Variants in NRBP2 observed in about 807,000 individuals in gnomAD.
NRBP2 encodes the protein nuclear receptor binding protein 2.
NRBP2 carries 47 observed loss-of-function variants against 74.4 expected under a neutral mutation model. That is an observed-to-expected ratio of 0.63 (90% CI 0.50 to 0.81). NRBP2 has a LOEUF of 0.81. NRBP2 is among the 30% of genes least tolerant of loss of function. The pLI is 0.00. For missense variants in NRBP2, 613 were observed against 690.1 expected (o/e 0.89, Z 1.25); for synonymous variants, 312 against 273.8 (o/e 1.14, Z -1.38).
At chr8:143,833,566 CAGTT>C (rs1279012618), downstream of NRBP2, 5 of 151,998 alleles carry the variant, frequency 3.3e-5, no homozygotes, top group African/African-American at 9.7e-5. Context: ...CCTGAAGAAA[CAGTT>C]AAGAGAGTTG....
In NRBP2 at chr8:143,837,252, A is replaced by G; in HGVS notation, c.1124T>C (p.Val375Ala). Residue 375 changes from valine to alanine, a missense_variant, in exon 13 of 18, where the codon GTC (valine) becomes GCC (alanine). Transcript: ENST00000442628. This position sits in a 1 kb window ranked among gnomAD's most constrained non-coding sequence, Gnocchi z 4.3. ...CCAACCTTACATCAGTTCTCACCTG[A>G]CATCCTCCAGGAATTTGTCCAGCTC... is the stretch of plus-strand genomic sequence containing the variant. Reference protein sequence around the residue: ...FMELDKFLEDVRNGIYPLMNF... With the variant: ...FMELDKFLEDARNGIYPLMNF... 6.2e-7 allele frequency: 1 copy of G among 1,613,810 alleles called. No homozygotes were observed. The highest frequency in any genetic ancestry group is 1.3e-5 in the African/African-American group (1 of 74,970).
rs1480716143 is a variant in NRBP2, at chr8:143,837,993, A to C, written c.841-238T>G. On this transcript the variant is annotated intron_variant, in intron 10 of 17. Transcript: ENST00000442628. The surrounding 1 kb of genome is among the most constrained non-coding windows in gnomAD (Gnocchi z 4.3). ...CCATGCTCTGCTTCCCTCGACCCCCAAAAAATCGTGGGGAGAAGCCATGAT... is the reference window on the plus strand; with the variant it reads ...CCATGCTCTGCTTCCCTCGACCCCCCAAAAATCGTGGGGAGAAGCCATGAT... The C allele has an allele frequency of 4.3e-6, 3 of 699,772 alleles. No individual in the cohort carries two copies. In the African/African-American group the frequency reaches 5.3e-5, roughly 12 times the overall value. The allele number at this position is 699,772 out of a possible 1,614,324, so 43.3% of individuals were successfully genotyped here.
chr8:143,840,548 CAAAGGG>C lies in NRBP2; in HGVS notation c.129+152_129+157del. 1.3e-6 allele frequency: 1 copy of C among 785,864 alleles called. No individual in the cohort carries two copies. The highest frequency in any genetic ancestry group is 1.9e-6 in the Non-Finnish European group (1 of 517,618). 48.7% of individuals were successfully genotyped at this position (785,864 alleles called of 1,614,324 possible). On this transcript the variant is annotated intron_variant, in intron 1 of 17. Coordinates refer to ENST00000442628, the MANE Select transcript of NRBP2 (RefSeq NM_178564.4). The surrounding 1 kb of genome is among the most constrained non-coding windows in gnomAD (Gnocchi z 5.7). ...GGGAGTCCCAGGGCGAGCGCCAGGCCAAAGGGGTCCAGGGGTGGCTGATTCGCGGGC... is the reference window on the plus strand; with the variant it reads ...GGGAGTCCCAGGGCGAGCGCCAGGCCGTCCAGGGGTGGCTGATTCGCGGGC...
chr8:143,838,614 G>A, intron 10 of NRBP2, 66 bp downstream of exon 10: 5 of 1,191,314 alleles, frequency 4.2e-6, no homozygotes, highest in Non-Finnish European at 6.0e-6. Flanking sequence ...GGTCTGCCTG[G>A]AGCACCTTGC....
chr8:143,829,881 C>G (rs1489030636), downstream of NRBP2: 1 of 152,320 alleles, frequency 6.6e-6, no homozygotes, highest in Non-Finnish European at 1.5e-5. Context: ...ACATCAGTCG[C>G]TAGACCCGCA....
In NRBP2 at chr8:143,839,230, G is replaced by A. The variant is rs1554652884; in HGVS notation, c.581-35C>T. On this transcript the variant is annotated intron_variant, in intron 6 of 17. Coordinates refer to ENST00000442628, the MANE Select transcript of NRBP2 (RefSeq NM_178564.4). The surrounding 1 kb of genome is among the most constrained non-coding windows in gnomAD (Gnocchi z 5.1). Reference sequence around the variant, plus strand: ...GGCGGGAGAAAGAGTGGAGTTAGCTGCTGGGGCATCAGAACTCCTCTGCCC... The same window carrying A: ...GGCGGGAGAAAGAGTGGAGTTAGCTACTGGGGCATCAGAACTCCTCTGCCC... The A allele has an allele frequency of 6.5e-7, 1 of 1,532,306 alleles. No homozygotes were observed. The highest frequency in any genetic ancestry group is 1.2e-5 in the South Asian group (1 of 83,948). The allele number at this position is 1,532,306 out of a possible 1,614,324, so 94.9% of individuals were successfully genotyped here. A position where few individuals can be genotyped will look rare whatever the true frequency, so the allele number is the denominator to read the frequency against.
chr8:143,831,442 C>T (rs1298976365), downstream of NRBP2, among the ~76,000 whole-genome samples: 1 of 152,130 alleles, frequency 6.6e-6, no homozygotes, highest in Non-Finnish European at 1.5e-5. Flanking sequence ...ATAGTGAGGC[C>T]ACGTCTCTAC....
In NRBP2 at chr8:143,838,869, G is replaced by A. The variant is rs782505882; in HGVS notation, c.744+14C>T. Reference sequence around the variant, plus strand: ...GAGGAGGGCAGAGCACAAGGTGGAGGGCGGGGGCAGTACCTCCAGCGCACA... The same window carrying A: ...GAGGAGGGCAGAGCACAAGGTGGAGAGCGGGGGCAGTACCTCCAGCGCACA... On this transcript the variant is annotated intron_variant, in intron 9 of 17. Coordinates refer to ENST00000442628, the MANE Select transcript of NRBP2 (RefSeq NM_178564.4). 3 of 1,613,338 alleles carry A rather than the reference G, an allele frequency of 1.9e-6. No individual in the cohort carries two copies. The highest frequency in any genetic ancestry group is 2.2e-5 in the East Asian group (1 of 44,872).
Position 143,839,948 on chromosome 8 carries a change from G to T in NRBP2, c.335C>A (p.Thr112Asn). ...GCTCACCCTCGCGCAGGCCTCAGAG[G>T]TATCCAGCCAGTACTTGTGCAACTT... The part of the protein sequence containing the change: ...IVKLHKYWLD[T>N]SEACARVIFI... The change falls in exon 3 of 18, where the codon ACC becomes AAC. Residue 112 changes from threonine (T) to asparagine (N), a missense_variant. This residue lies in a region of NRBP2 where 332 missense variants were observed against 429.2 expected (regional missense o/e 0.77). Coordinates refer to ENST00000442628, the MANE Select transcript of NRBP2 (RefSeq NM_178564.4). This position sits in a 1 kb window ranked among gnomAD's most constrained non-coding sequence, Gnocchi z 5.1. The T allele has an allele frequency of 2.6e-6, 4 of 1,536,166 alleles. No individual in the cohort carries two copies. The highest frequency in any genetic ancestry group is 1.4e-5 in the African/African-American group (1 of 73,182).
chr8:143,836,911 C>G (rs1818426368), intron 14 of NRBP2, 128 bp downstream of exon 14: 1 of 1,084,820 alleles, frequency 9.2e-7, no homozygotes. Context: ...CAGCCTGGAT[C>G]TGGTCTCTGG....
In NRBP2 at chr8:143,838,901, A is replaced by G; in HGVS notation, c.726T>C (p.Phe242=). Residue 242 remains phenylalanine (F), a synonymous_variant, in exon 9 of 18, where the codon TTT becomes TTC. Coordinates refer to ENST00000442628, the MANE Select transcript of NRBP2 (RefSeq NM_178564.4). The stretch of plus-strand genomic sequence containing the variant: ...GCAGTACCTCCAGCGCACACATCCC[A>G]AAGGAGAAGATGTCCACAGCGGTCC... The part of the protein sequence containing the change: ...ADGTAVDIFS[F]GMCALEMAVL... 1 of 1,612,862 alleles carries G rather than the reference A, an allele frequency of 6.2e-7. No homozygotes were observed. The highest frequency in any genetic ancestry group is 8.5e-7 in the Non-Finnish European group (1 of 1,179,528).
chr8:143,839,044 G>A lies in NRBP2; in HGVS notation c.661C>T (p.Leu221=), dbSNP rs1368493487. The change falls in exon 8 of 18, where the codon CTG becomes TTG. Residue 221 remains leucine, a synonymous_variant. Transcript: ENST00000442628. This position sits in a 1 kb window ranked among gnomAD's most constrained non-coding sequence, Gnocchi z 5.1. ...IRAEREELRN[L]HFFPPEYGEV... is the part of the protein sequence containing the mutation. The stretch of plus-strand genomic sequence containing the variant: ...CCATACTCTGGGGGGAAGAAGTGCA[G>A]GTTCCGAAGTTCCTCTCGCTCAGCG... 2 of 1,540,750 alleles carry A rather than the reference G, an allele frequency of 1.3e-6. No homozygotes were observed. Among genetic ancestry groups the A allele is most frequent in the Non-Finnish European group, 1.7e-6 (2 of 1,145,518 alleles).
chr8:143,830,412 G>T (rs1427372150), downstream of NRBP2, among the ~76,000 whole-genome samples: 1 of 152,250 alleles, frequency 6.6e-6, no homozygotes, highest in Non-Finnish European at 1.5e-5. Context: ...GTGAGCTCCA[G>T]GAGAGGAGCT....
Position 143,840,700 on chromosome 8 carries a change from GC to G in NRBP2, c.129+5del, listed in dbSNP as rs782312098. The G allele has an allele frequency of 4.1e-5, 61 of 1,480,358 alleles. No individual in the cohort carries two copies. Among genetic ancestry groups the G allele is most frequent in the Non-Finnish European group, 5.4e-5 (60 of 1,117,880 alleles). The allele number at this position is 1,480,358 out of a possible 1,614,324, so 91.7% of individuals were successfully genotyped here. A position where few individuals can be genotyped will look rare whatever the true frequency, so the allele number is the denominator to read the frequency against. Reference sequence around the variant, plus strand: ...TGTCACCCCGTGCCCCAACCCCCGCGCCCACCTGCTCCCGTCGCTTTTGCCA... The same window carrying G: ...TGTCACCCCGTGCCCCAACCCCCGCGCCACCTGCTCCCGTCGCTTTTGCCA... On this transcript the variant is annotated splice_donor_5th_base_variant and intron_variant, in intron 1 of 17. Coordinates refer to ENST00000442628, the MANE Select transcript of NRBP2 (RefSeq NM_178564.4). This position sits in a 1 kb window ranked among gnomAD's most constrained non-coding sequence, Gnocchi z 5.7.
In NRBP2 at chr8:143,839,439, G is replaced by A. The variant is rs1295953918; in HGVS notation, c.486-31C>T. On this transcript the variant is annotated intron_variant, in intron 5 of 17. Coordinates refer to ENST00000442628, the MANE Select transcript of NRBP2 (RefSeq NM_178564.4). This position sits in a 1 kb window ranked among gnomAD's most constrained non-coding sequence, Gnocchi z 5.1. Reference sequence around the variant, plus strand: ...GACGTTGGGGAGGGGAGAGTAGGAGGAGCCGGTCAGGAGGCTCTGGAGAGA... The same window carrying A: ...GACGTTGGGGAGGGGAGAGTAGGAGAAGCCGGTCAGGAGGCTCTGGAGAGA... 3 of 1,539,780 alleles carry A rather than the reference G, an allele frequency of 1.9e-6. No individual in the cohort carries two copies. Among genetic ancestry groups the A allele is most frequent in the Non-Finnish European group, 2.6e-6 (3 of 1,149,204 alleles).
downstream of NRBP2, chr8:143,829,776 G>A (rs1818068872): frequency 1.3e-5 from 2 of 154,334 alleles, no homozygotes; most frequent in South Asian, 4.1e-4. Context: ...CGTGAGATGC[G>A]TCGTCCCCGC....
chr8:143,831,485 G>A (rs1285969763), downstream of NRBP2, among the ~76,000 whole-genome samples: 2 of 152,178 alleles, frequency 1.3e-5, no homozygotes, highest in African/African-American at 4.8e-5. Flanking sequence ...GCTGGGCATG[G>A]TGGCACACGC....
chr8:143,840,847 C>G lies in NRBP2; in HGVS notation c.-13G>C. ...CCGGGGCCGCCATGGTTCGGCCAGC[C>G]CAGGCCACCGCCCTCTGCGCGATCC... On this transcript the variant is annotated 5_prime_UTR_variant, in exon 1 of 18. Coordinates refer to ENST00000442628, the MANE Select transcript of NRBP2 (RefSeq NM_178564.4). The surrounding 1 kb of genome is among the most constrained non-coding windows in gnomAD (Gnocchi z 5.7). 2 of 1,437,532 alleles carry G rather than the reference C, an allele frequency of 1.4e-6. No individual in the cohort carries two copies. The highest frequency in any genetic ancestry group is 1.8e-6 in the Non-Finnish European group (2 of 1,099,562). 89.0% of individuals were successfully genotyped at this position (1,437,532 alleles called of 1,614,324 possible).
At position 143,835,589 on chromosome 8, in the gene NRBP2, G is replaced by A. The variant is rs372178347; in HGVS notation, c.*73C>T. On this transcript the variant is annotated 3_prime_UTR_variant, in exon 18 of 18. Coordinates refer to ENST00000442628, the MANE Select transcript of NRBP2 (RefSeq NM_178564.4). This position sits in a 1 kb window ranked among gnomAD's most constrained non-coding sequence, Gnocchi z 4.9. ...GGCGCATGGAGGAGGGCAGCCCCACGGTGCTGGAGTCTCCCCAACATGGCC... is the reference window on the plus strand; with the variant it reads ...GGCGCATGGAGGAGGGCAGCCCCACAGTGCTGGAGTCTCCCCAACATGGCC... 9.4e-5 allele frequency: 120 copies of A among 1,273,702 alleles called. No individual in the cohort carries two copies. The African/African-American group carries it at 1.3e-3, about 14-fold the overall frequency. The allele number at this position is 1,273,702 out of a possible 1,614,324, so 78.9% of individuals were successfully genotyped here. A position where few individuals can be genotyped will look rare whatever the true frequency, so the allele number is the denominator to read the frequency against.
Sources: allele counts gnomAD v4.1 joint callset (sites outside exome capture counted in the v4.1 genomes callset), GRCh38; gene constraint gnomAD v4.1.1; regional missense constraint gnomAD v4.1.1; non-coding constraint Gnocchi (gnomAD v3.1); transcripts MANE v1.5; gene names NCBI Gene and HGNC (gene_info 2026-07-23, HGNC 2026-07-21).